Variants in FRMD5 observed in about 807,000 individuals in gnomAD.
FRMD5 encodes the protein FERM domain containing 5.
In FRMD5, 20 loss-of-function variants were observed where a neutral mutation model predicts 69.0. The observed-to-expected ratio is 0.29, with a 90% confidence interval of 0.20 to 0.42. The LOEUF is 0.42. Among genes scored for constraint, FRMD5 ranks in the 10% least tolerant of loss-of-function variants. FRMD5 has a pLI of 1.00. For synonymous variants in FRMD5, 271 were observed against 260.1 expected, an observed-to-expected ratio of 1.04 and a Z score of -0.40; for missense variants, 595 against 708.6, an observed-to-expected ratio of 0.84 and a Z score of 1.82.
chr15:43,999,971 T>TGC (rs1555392742), intron 1 of FRMD5, among the ~76,000 whole-genome samples: 122 of 52,978 alleles, frequency 2.3e-3, no homozygotes, highest in Admixed American at 2.5e-3. Flanking sequence ...TATATATATA[T>TGC]ATATATATAT....
intron 1 of FRMD5, among the ~76,000 whole-genome samples, chr15:44,023,211 T>C (rs572318864): frequency 5.3e-5 from 8 of 152,310 alleles, no homozygotes; most frequent in African/African-American, 1.7e-4. Context: ...ACCATCTAGA[T>C]GATACCTGAA....
rs536450701 is a variant in FRMD5, at chr15:44,181,148, T to C, written c.102+13805A>G. ...TCCAACTCTGGGGCTCGAGCAATTA[T>C]TCCACCTTAGCCTCCCAAGTAGCTG... On this transcript the variant is annotated intron_variant, in intron 1 of 13. Transcript: ENST00000417257. 5.9e-5 allele frequency among the ~76,000 whole-genome samples: 9 copies of C among 152,254 alleles called. No homozygotes were observed. The East Asian group carries it at 1.7e-3, about 29-fold the overall frequency.
At chr15:44,017,012 T>C (rs971696212) in intron 1 of FRMD5, among the ~76,000 whole-genome samples, 1 of 151,984 alleles carries the variant, frequency 6.6e-6, no homozygotes, top group Non-Finnish European at 1.5e-5. Flanking sequence ...TCAAGTGATC[T>C]GCCCACCTCA....
chr15:44,009,234 G>C (rs1028937629), intron 1 of FRMD5, among the ~76,000 whole-genome samples: 2 of 152,144 alleles, frequency 1.3e-5, no homozygotes, highest in South Asian at 4.1e-4. Context: ...CTAAGGGTTG[G>C]GTCACAGTAG....
At chr15:43,931,480 G>T (rs551290169) in intron 1 of FRMD5, among the ~76,000 whole-genome samples, 1 of 151,740 alleles carries the variant, frequency 6.6e-6, no homozygotes, top group East Asian at 1.9e-4. Flanking sequence ...CTCATACAAC[G>T]CTGCTTCAAA....
intron 1 of FRMD5, among the ~76,000 whole-genome samples, chr15:44,151,706 A>G (rs1013623760): frequency 1.7e-4 from 26 of 152,162 alleles, no homozygotes; most frequent in Admixed American, 1.7e-3. Flanking sequence ...GATTTTCTGG[A>G]TATGAGAACA....
chr15:44,136,185 G>GTT (rs1416745524), intron 1 of FRMD5, among the ~76,000 whole-genome samples: 4 of 134,354 alleles, frequency 3.0e-5, no homozygotes, highest in African/African-American at 1.0e-4. Context: ...CCTATTTTTT[G>GTT]TTTTGTTTTG....
intron 13 of FRMD5, among the ~76,000 whole-genome samples, chr15:43,875,363 A>AATATAT (rs749584177): frequency 1.0e-4 from 11 of 105,324 alleles, no homozygotes; most frequent in South Asian, 6.3e-4. Context: ...AAAAAAAAAA[A>AATATAT]ATATATATAT....
intron 2 of FRMD5, among the ~76,000 whole-genome samples, chr15:43,921,933 G>C (rs545933254): frequency 2.0e-5 from 3 of 152,276 alleles, no homozygotes; most frequent in African/African-American, 7.2e-5. Context: ...GTAAGTGCTG[G>C]GTTCAGACTG....
chr15:44,137,641 T>C (rs1007666069), intron 1 of FRMD5, among the ~76,000 whole-genome samples: 12 of 152,250 alleles, frequency 7.9e-5, no homozygotes, highest in Admixed American at 3.9e-4. Context: ...CTATCATACA[T>C]GCCATATCCA....
chr15:44,172,199 T>C (rs1317401159), intron 1 of FRMD5, among the ~76,000 whole-genome samples: 1 of 151,566 alleles, frequency 6.6e-6, no homozygotes, highest in Non-Finnish European at 1.5e-5. Context: ...CAAGTGATCT[T>C]CCCACCTCAG....
intron 1 of FRMD5, among the ~76,000 whole-genome samples, chr15:44,131,018 T>C (rs1329823885): frequency 6.6e-6 from 1 of 152,216 alleles, no homozygotes; most frequent in Non-Finnish European, 1.5e-5. Context: ...CCAAACTTTA[T>C]CTCAAAGGCT....
chr15:44,046,979 C>A (rs922257022), intron 1 of FRMD5, among the ~76,000 whole-genome samples: 1 of 152,004 alleles, frequency 6.6e-6, no homozygotes, highest in African/African-American at 2.4e-5. Context: ...ACTGTGAGGA[C>A]GTCCTCTTAG....
rs780212034 is a variant in FRMD5, at chr15:43,874,004, A to G, written c.1594T>C (p.Phe532Leu). 94 of 1,614,092 alleles carry G rather than the reference A, an allele frequency of 5.8e-5. No individual in the cohort carries two copies. The highest frequency in any genetic ancestry group is 7.8e-5 in the Non-Finnish European group (92 of 1,180,048). Residue 532 changes from phenylalanine to leucine, a missense_variant, in exon 14 of 14, where the codon TTC becomes CTC. Physicochemically the swap from Phe to Leu is conservative, Grantham distance 22 (BLOSUM62 0). Transcript: ENST00000417257. The part of the protein sequence containing the change: ...LTESDLDIAF[F>L]RDIRQTPEFE... ...TCGGGGGTCTGGCGGATATCACGGA[A>G]AAAGGCAATGTCAAGGTCAGACTCG...
intron 1 of FRMD5, among the ~76,000 whole-genome samples, chr15:44,028,657 G>A (rs1566907556): frequency 6.6e-6 from 1 of 152,152 alleles, no homozygotes; most frequent in African/African-American, 2.4e-5. Context: ...GGCTCAGGGG[G>A]GTGCAACCAG....
intron 1 of FRMD5, among the ~76,000 whole-genome samples, chr15:44,061,364 A>G (rs533706849): frequency 6.7e-4 from 102 of 152,328 alleles, no homozygotes; most frequent in Non-Finnish European, 1.3e-3. Context: ...TAAAGTAGAC[A>G]AACTGTAATG....
intron 1 of FRMD5, among the ~76,000 whole-genome samples, chr15:44,078,360 T>G (rs1893856978): frequency 6.6e-6 from 1 of 152,164 alleles, no homozygotes; most frequent in South Asian, 2.1e-4. Context: ...AAAAGGAGTT[T>G]TTATATAAAA....
intron 1 of FRMD5, among the ~76,000 whole-genome samples, chr15:44,043,994 C>T (rs1180412452): frequency 6.6e-6 from 1 of 152,088 alleles, no homozygotes; most frequent in African/African-American, 2.4e-5. Context: ...AGGCAACCTA[C>T]AGAATGGGAG....
At chr15:44,101,261 A>G (rs182538889) in intron 1 of FRMD5, among the ~76,000 whole-genome samples, 76 of 152,274 alleles carry the variant, frequency 5.0e-4, no homozygotes, top group African/African-American at 1.8e-3. Flanking sequence ...CCTGGCAGCT[A>G]TTCACATGAT....
Sources: allele counts gnomAD v4.1 joint callset (sites outside exome capture counted in the v4.1 genomes callset), GRCh38; gene constraint gnomAD v4.1.1; transcripts MANE v1.5; gene names NCBI Gene and HGNC (gene_info 2026-07-23, HGNC 2026-07-21).